The following SMG6 variants were observed in gnomAD, a reference collection of about 807,000 sequenced individuals.
The protein encoded by SMG6 is SMG6 nonsense mediated mRNA decay factor, also known as telomerase-binding protein EST1A.
A neutral mutation model predicts 142.2 loss-of-function variants in SMG6; 66 were observed. The observed-to-expected ratio is 0.46, with a 90% confidence interval of 0.38 to 0.57. The LOEUF (loss-of-function observed/expected upper bound fraction) is 0.57, where lower values mean the gene tolerates loss of function less well. Among genes scored for constraint, SMG6 ranks in the 20% least tolerant of loss-of-function variants. The probability of loss-of-function intolerance (pLI) is 0.00; values close to 1 mark genes in which losing one functional copy is unlikely to be tolerated. For synonymous variants in SMG6, 779 were observed against 702.4 expected (o/e 1.11, Z -1.72); for missense variants, 1,793 against 1,832.0 (o/e 0.98, Z 0.39).
At chr17:2,231,210 C>A (rs1480419546) in intron 10 of SMG6, among the ~76,000 whole-genome samples, 3 of 152,166 alleles carry the variant, frequency 2.0e-5, no homozygotes, top group African/African-American at 7.2e-5. Flanking sequence ...GACAAGGACA[C>A]TTCGGTTGCG....
intron 12 of SMG6, among the ~76,000 whole-genome samples, chr17:2,174,901 A>G (rs2071612207): frequency 6.6e-6 from 1 of 152,252 alleles, no homozygotes; most frequent in African/African-American, 2.4e-5. Flanking sequence ...TTCGAGGGTT[A>G]AAAGGAACTG....
At chr17:2,150,745 T>A (rs1184552868) in intron 13 of SMG6, among the ~76,000 whole-genome samples, 1 of 152,194 alleles carries the variant, frequency 6.6e-6, no homozygotes, top group Non-Finnish European at 1.5e-5. Flanking sequence ...AGTATGACTC[T>A]AAGGTAATAA....
chr17:2,266,244 G>T, intron 8 of SMG6: 1 of 917,056 alleles, frequency 1.1e-6, no homozygotes, highest in Non-Finnish European at 1.3e-6. Flanking sequence ...GTGGAAAGTG[G>T]CCTGTGGGTA....
In SMG6 at chr17:2,292,967, G is replaced by C. The variant is rs1425467396; in HGVS notation, c.2162C>G (p.Ala721Gly). 1.2e-6 allele frequency: 2 copies of C among 1,613,226 alleles called. No individual in the cohort carries two copies. The highest frequency in any genetic ancestry group is 2.7e-5 in the African/African-American group (2 of 74,874). The part of the protein sequence containing the change: ...SKPLRKTVKY[A>G]LISAQRCMIC... ...CATGCATCGCTGGGCACTGATCAAG[G>C]CATATTTTACCTTCAGGAAAAACAA... Residue 721 changes from alanine to glycine, a missense_variant, in exon 5 of 19, where the codon GCC becomes GGC. Coordinates refer to ENST00000263073, the MANE Select transcript of SMG6 (RefSeq NM_017575.5).
intron 9 of SMG6, among the ~76,000 whole-genome samples, chr17:2,238,638 A>G (rs2073727854): frequency 6.6e-6 from 1 of 152,204 alleles, no homozygotes; most frequent in Non-Finnish European, 1.5e-5. Context: ...AAGGCAGTAG[A>G]GAGCCAGCAC....
At chr17:2,252,846 T>C (rs1384714480) in intron 8 of SMG6, among the ~76,000 whole-genome samples, 1 of 152,148 alleles carries the variant, frequency 6.6e-6, no homozygotes, top group East Asian at 1.9e-4. Context: ...ACTATGGCCA[T>C]GGGTCAAATG....
At chr17:2,145,142 T>C (rs1597464898) in intron 13 of SMG6, among the ~76,000 whole-genome samples, 1 of 152,290 alleles carries the variant, frequency 6.6e-6, no homozygotes, top group Non-Finnish European at 1.5e-5. Flanking sequence ...ACAGTCTCTC[T>C]CTGTCGCTCT....
At chr17:2,252,438 G>T (rs1346902660) in intron 8 of SMG6, among the ~76,000 whole-genome samples, 1 of 152,006 alleles carries the variant, frequency 6.6e-6, no homozygotes, top group Non-Finnish European at 1.5e-5. Flanking sequence ...CCACGAATAT[G>T]TTCAGTATTT....
intron 13 of SMG6, among the ~76,000 whole-genome samples, chr17:2,139,779 G>A (rs2070418685): frequency 6.6e-6 from 1 of 152,032 alleles, no homozygotes; most frequent in Non-Finnish European, 1.5e-5. Flanking sequence ...AGGCTGGAGT[G>A]CAGTGGTGTG....
At chr17:2,072,432 GC>G (rs2068129650) in intron 15 of SMG6, among the ~76,000 whole-genome samples, 1 of 152,202 alleles carries the variant, frequency 6.6e-6, no homozygotes, top group Non-Finnish European at 1.5e-5. Context: ...TCTGGAAGGT[GC>G]TAAGTAACTA....
At chr17:2,169,351 G>T (rs1453699417) in intron 13 of SMG6, among the ~76,000 whole-genome samples, 2 of 151,880 alleles carry the variant, frequency 1.3e-5, no homozygotes, top group Non-Finnish European at 2.9e-5. Flanking sequence ...TACATGGCAG[G>T]CTTATTTAGA....
Position 2,149,179 on chromosome 17 carries a change from G to T in SMG6, c.3357+23479C>A, listed in dbSNP as rs1174039395. Among the ~76,000 whole-genome samples the T allele has an allele frequency of 2.6e-5, 4 of 151,692 alleles. No homozygotes were observed. The East Asian group carries it at 7.7e-4, about 29-fold the overall frequency. ...AGCCTGGCCAACATGGCGAAACCCT[G>T]TCTCTACAAAAAATACAAAAATTAG... On this transcript the variant is annotated intron_variant, in intron 13 of 18. Transcript: ENST00000263073.
intron 8 of SMG6, among the ~76,000 whole-genome samples, chr17:2,251,150 G>T (rs1171626440): frequency 6.6e-6 from 1 of 151,796 alleles, no homozygotes. Flanking sequence ...AAAAATGAGG[G>T]AAGGGGGGCC....
At chr17:2,181,315 G>T (rs910878977) in intron 12 of SMG6, among the ~76,000 whole-genome samples, 2 of 152,220 alleles carry the variant, frequency 1.3e-5, no homozygotes, top group African/African-American at 4.8e-5. Flanking sequence ...CTCAGTGGTA[G>T]TCAGGCCAGG....
At position 2,228,516 on chromosome 17, in the gene SMG6, C is replaced by T. The variant is rs534134591; in HGVS notation, c.2869+7976G>A. Among the ~76,000 whole-genome samples the T allele has an allele frequency of 9.2e-5, 14 of 152,100 alleles. No individual in the cohort carries two copies. In the South Asian group the frequency reaches 2.9e-3, roughly 32 times the overall value. ...TGCTGGGACTACAGGCGTGAGCCAT[C>T]GCGCCCGGCCTAATTTTTGCATTTT... On this transcript the variant is annotated intron_variant, in intron 10 of 18. Transcript: ENST00000263073.
intron 9 of SMG6, among the ~76,000 whole-genome samples, chr17:2,239,014 T>A (rs1342267218): frequency 6.6e-6 from 1 of 152,176 alleles, no homozygotes; most frequent in Non-Finnish European, 1.5e-5. Flanking sequence ...GGAACCCTCC[T>A]CAGGGCTCAG....
chr17:2,193,978 GCA>G (rs1013051745), intron 10 of SMG6, among the ~76,000 whole-genome samples: 5 of 152,176 alleles, frequency 3.3e-5, no homozygotes, highest in Non-Finnish European at 5.9e-5. Context: ...TTAGAGGCAC[GCA>G]CAGTTTCACC....
At chr17:2,283,527 C>T (rs2074836639) in intron 7 of SMG6, 98 bp downstream of exon 7, 3 of 953,192 alleles carry the variant, frequency 3.1e-6, no homozygotes, top group Non-Finnish European at 5.1e-6. Context: ...ATAAACCTCA[C>T]TGGCTACGAT....
intron 13 of SMG6, among the ~76,000 whole-genome samples, chr17:2,118,960 G>A (rs922007617): frequency 6.6e-6 from 1 of 150,860 alleles, no homozygotes; most frequent in African/African-American, 2.4e-5. Context: ...GAGTGCAGAG[G>A]TGTGACCTCG....
Sources: gnomAD v4.1 joint callset for allele counts (sites outside exome capture counted in the v4.1 genomes callset) on GRCh38, gnomAD v4.1.1 for gene constraint, MANE v1.5 for transcripts, NCBI Gene and HGNC (gene_info 2026-07-23, HGNC 2026-07-21) for gene names.